The following PECAM1 variants were observed in gnomAD, a reference collection of about 807,000 sequenced individuals.
PECAM1 encodes platelet endothelial cell adhesion molecule.
In PECAM1, 8 loss-of-function variants were observed where a neutral mutation model predicts 13.8. The ratio of observed to expected loss-of-function variants is 0.58; its 90% CI spans 0.34 to 1.05. PECAM1 has a LOEUF of 1.05. PECAM1 is among the 50% of genes least tolerant of loss of function. The probability of loss-of-function intolerance (pLI) is 0.03; values close to 1 mark genes in which losing one functional copy is unlikely to be tolerated. For synonymous variants in PECAM1, 136 were observed against 52.6 expected (o/e 2.58, Z -6.86); for missense variants, 304 against 141.2 (o/e 2.15, Z -5.84).
At chr17:64,369,470 C>T (rs1349484410) in intron 5 of PECAM1, among the ~76,000 whole-genome samples, 2 of 152,178 alleles carry the variant, frequency 1.3e-5, no homozygotes, top group Non-Finnish European at 2.9e-5. Context: ...CACCATCTCA[C>T]AGCGCTGCGG....
Position 64,350,423 on chromosome 17 carries a change from G to GT in PECAM1, c.2000dup (p.Asp667GlufsTer13), listed in dbSNP as rs1427994416. The GT allele has an allele frequency of 2.3e-6, 1 of 430,074 alleles. No individual in the cohort carries two copies. The highest frequency in any genetic ancestry group is 4.3e-6 in the Non-Finnish European group (1 of 234,460). The allele number at this position is 430,074 out of a possible 1,614,324, so 26.6% of individuals were successfully genotyped here. A position where few individuals can be genotyped will look rare whatever the true frequency, so the allele number is the denominator to read the frequency against. On this transcript the variant is annotated frameshift_variant, in exon 12 of 16. Transcript: ENST00000563924. LOFTEE classifies it high-confidence loss of function. ...GTTTCATTGCATGGTTTCTGACATC[G>GT]TCATTGTGACCTAGTTGAAAAATAA...
chr17:64,363,883 G>T (rs2036042767), intron 5 of PECAM1, among the ~76,000 whole-genome samples: 1 of 152,140 alleles, frequency 6.6e-6, no homozygotes. Context: ...GACAGAGATT[G>T]CAGTGAGCCG....
At chr17:64,360,676 C>T (rs2035952760) in intron 6 of PECAM1, among the ~76,000 whole-genome samples, 1 of 149,552 alleles carries the variant, frequency 6.7e-6, no homozygotes. Flanking sequence ...GACAGAAATT[C>T]AAGGAAAACA....
At chr17:64,374,791 A>AG (rs2036320725) in intron 4 of PECAM1, among the ~76,000 whole-genome samples, 1 of 151,728 alleles carries the variant, frequency 6.6e-6, no homozygotes, top group Non-Finnish European at 1.5e-5. Context: ...CTCAAAAAAA[A>AG]AACCCCAAAA....
At chr17:64,361,555 A>G (rs2035980500) in intron 6 of PECAM1, among the ~76,000 whole-genome samples, 1 of 151,892 alleles carries the variant, frequency 6.6e-6, no homozygotes, top group Admixed American at 6.6e-5. Context: ...GGACTTTAAG[A>G]CCAGCCTGAC....
intron 5 of PECAM1, 49 bp from the exon 6 acceptor site, chr17:64,363,446 C>T: frequency 2.1e-6 from 1 of 474,286 alleles, no homozygotes; most frequent in Non-Finnish European, 3.9e-6. Context: ...GGCCACCACC[C>T]TAAAGACCCT....
At chr17:64,341,995 C>A (rs1187373199) in intron 13 of PECAM1, among the ~76,000 whole-genome samples, 2 of 151,778 alleles carry the variant, frequency 1.3e-5, no homozygotes, top group African/African-American at 2.4e-5. Context: ...ACTAAAAATT[C>A]AAAAAATTAG....
At chr17:64,362,521 G>A (rs1466102093) in intron 6 of PECAM1, among the ~76,000 whole-genome samples, 5 of 151,974 alleles carry the variant, frequency 3.3e-5, no homozygotes, top group Non-Finnish European at 5.9e-5. Flanking sequence ...GCGTGGTTGC[G>A]GGTGCCTGTA....
At chr17:64,375,485 T>C in intron 3 of PECAM1, 129 bp from the exon 4 acceptor site, 1 of 397,892 alleles carries the variant, frequency 2.5e-6, no homozygotes, top group South Asian at 1.4e-4. Context: ...AGGGCTCTTT[T>C]TTGTTCTCTG....
intron 7 of PECAM1, among the ~76,000 whole-genome samples, chr17:64,357,042 C>T (rs917013535): frequency 2.6e-5 from 4 of 152,132 alleles, no homozygotes; most frequent in Admixed American, 2.0e-4. Flanking sequence ...TCTTCCTCCA[C>T]GCTCCCAATC....
intron 7 of PECAM1, among the ~76,000 whole-genome samples, chr17:64,357,811 C>T (rs1162992447): frequency 2.0e-5 from 3 of 152,144 alleles, no homozygotes; most frequent in African/African-American, 7.2e-5. Context: ...TGATATCGAC[C>T]CAGTTTAAAC....
chr17:64,351,391 G>A (rs2035719534), intron 11 of PECAM1, among the ~76,000 whole-genome samples: 1 of 152,214 alleles, frequency 6.6e-6, no homozygotes, highest in South Asian at 2.1e-4. Flanking sequence ...TATAGAATTA[G>A]AAAAGAACAT....
chr17:64,374,171 T>C lies in PECAM1; in HGVS notation c.691+880A>G, dbSNP rs2036304278. On this transcript the variant is annotated intron_variant, in intron 4 of 15. Coordinates refer to ENST00000563924, the MANE Select transcript of PECAM1 (RefSeq NM_000442.5). ...AACTACAGATCACATAATGCATCAGTGTAGTGTGTCATGGCCAGTGTTTAA... is the reference window on the plus strand; with the variant it reads ...AACTACAGATCACATAATGCATCAGCGTAGTGTGTCATGGCCAGTGTTTAA... 2.0e-5 allele frequency among the ~76,000 whole-genome samples: 3 copies of C among 152,236 alleles called. No homozygotes were observed. In the South Asian group the frequency reaches 6.2e-4, roughly 32 times the overall value.
chr17:64,324,067 C>A, intron 15 of PECAM1: 1 of 800,704 alleles, frequency 1.2e-6, no homozygotes. Context: ...CAACATTTCA[C>A]AGATCTGCAA....
At chr17:64,331,202 T>C (rs1454636556) in intron 14 of PECAM1, among the ~76,000 whole-genome samples, 1 of 148,562 alleles carries the variant, frequency 6.7e-6, no homozygotes, top group African/African-American at 2.5e-5. Context: ...CCACCTTCTT[T>C]TTTTTTTTTT....
At chr17:64,333,326 A>G (rs2035178721) in intron 14 of PECAM1, among the ~76,000 whole-genome samples, 1 of 152,108 alleles carries the variant, frequency 6.6e-6, no homozygotes, top group Non-Finnish European at 1.5e-5. Context: ...ACCTCCCAAG[A>G]CAGAGGGCAG....
chr17:64,359,062 C>T (rs1333574336), intron 7 of PECAM1, among the ~76,000 whole-genome samples: 6 of 152,110 alleles, frequency 3.9e-5, no homozygotes, highest in East Asian at 1.9e-4. Flanking sequence ...CTTCCCAAAG[C>T]GCTAGGATTA....
chr17:64,368,705 G>A (rs2036166495), intron 5 of PECAM1, among the ~76,000 whole-genome samples: 1 of 151,478 alleles, frequency 6.6e-6, no homozygotes, highest in South Asian at 2.1e-4. Flanking sequence ...CAAAAAGTTA[G>A]CAGGGCATGG....
intron 14 of PECAM1, among the ~76,000 whole-genome samples, chr17:64,338,302 A>G (rs1422931291): frequency 2.2e-5 from 3 of 137,432 alleles, no homozygotes; most frequent in African/African-American, 8.2e-5. Flanking sequence ...CTGGTCTCAA[A>G]TTCCTGGGCT....
Sources: gnomAD v4.1 joint callset for allele counts (sites outside exome capture counted in the v4.1 genomes callset) on GRCh38, gnomAD v4.1.1 for gene constraint, MANE v1.5 for transcripts, NCBI Gene and HGNC (gene_info 2026-07-23, HGNC 2026-07-21) for gene names.